Variants in NPC1 observed in about 807,000 individuals in gnomAD.
NPC1 encodes the protein NPC intracellular cholesterol transporter 1.
Under a neutral mutation model 140.4 loss-of-function variants are expected in NPC1, and 85 were observed. That is an observed-to-expected ratio of 0.61 (90% confidence interval 0.51 to 0.72). The LOEUF (loss-of-function observed/expected upper bound fraction) is 0.72, where lower values mean the gene tolerates loss of function less well. Ranked by LOEUF, NPC1 falls within the 30% of genes least tolerant of loss-of-function variation. The pLI is 0.00. For missense variants in NPC1, 1,504 were observed against 1,623.8 expected, an observed-to-expected ratio of 0.93 and a Z score of 1.27; for synonymous variants, 656 against 624.8, an observed-to-expected ratio of 1.05 and a Z score of -0.74.
intron 1 of NPC1, 62 bp downstream of exon 1, chr18:23,586,225 T>C (rs1295551964): frequency 1.2e-5 from 18 of 1,513,184 alleles, no homozygotes; most frequent in Non-Finnish European, 1.6e-5. Context: ...GCCCGTCGCC[T>C]TCCCCGGCTC....
In NPC1 at chr18:23,540,472, C is replaced by G; in HGVS notation, c.2580G>C (p.Leu860Phe). The G allele has an allele frequency of 6.2e-7, 1 of 1,609,398 alleles. No individual in the cohort carries two copies. Among genetic ancestry groups the G allele is most frequent in the East Asian group, 2.2e-5 (1 of 44,834 alleles). ...CATCTGGCATCGAAAGAGACTGATC[C>G]AATCCAATATCTACTTTGTTCAGGA... ...IAVLNKVDIG[L>F]DQSLSMPDDS... The change falls in exon 17 of 25, where the codon TTG becomes TTC. Residue 860 changes from leucine to phenylalanine, a missense_variant. By Grantham distance (22) the Leu-to-Phe change is conservative. Transcript: ENST00000269228.
chr18:23,507,729 A>C (rs1305335739), intron 3 of NPC1, among the ~76,000 whole-genome samples: 1 of 152,158 alleles, frequency 6.6e-6, no homozygotes, highest in Non-Finnish European at 1.5e-5. Context: ...TGAGGAATGA[A>C]TTTTTGAAAG....
intron 9 of NPC1, among the ~76,000 whole-genome samples, chr18:23,553,165 C>T (rs1040480934): frequency 5.9e-5 from 9 of 152,250 alleles, no homozygotes; most frequent in African/African-American, 2.2e-4. Context: ...CTGGTGGGAA[C>T]CACGTCCGCT....
intron 4 of NPC1, among the ~76,000 whole-genome samples, chr18:23,563,204 C>CT (rs1260885833): frequency 6.6e-6 from 1 of 152,156 alleles, no homozygotes; most frequent in Non-Finnish European, 1.5e-5. Flanking sequence ...TGTATCAATA[C>CT]TTCATTTCTT....
chr18:23,530,695 T>C (rs1378742143), downstream of NPC1: 4 of 1,327,512 alleles, frequency 3.0e-6, no homozygotes, highest in African/African-American at 4.4e-5. Context: ...GCGAGGACCC[T>C]GGGTTAGCAT....
intron 3 of NPC1, chr18:23,507,042 C>T (rs1027881837): frequency 7.5e-6 from 12 of 1,602,192 alleles, no homozygotes; most frequent in Middle Eastern, 1.7e-4. Flanking sequence ...TTCAGAGGAC[C>T]TCAAAGACTG....
chr18:23,572,752 G>A (rs929196849), intron 2 of NPC1, among the ~76,000 whole-genome samples: 1 of 152,184 alleles, frequency 6.6e-6, no homozygotes, highest in African/African-American at 2.4e-5. Flanking sequence ...GAGATTGCTT[G>A]AGCTCAGGAG....
intron 17 of NPC1, 31 bp downstream of exon 17, chr18:23,540,417 T>C: frequency 1.7e-6 from 2 of 1,159,964 alleles, no homozygotes; most frequent in Non-Finnish European, 2.5e-6. Flanking sequence ...CTAAAGAAGT[T>C]AAAAAAAAAA....
At chr18:23,561,608 G>C (rs2059040607) in intron 4 of NPC1, 81 bp from the exon 5 acceptor site, 1 of 1,412,216 alleles carries the variant, frequency 7.1e-7, no homozygotes, top group African/African-American at 1.4e-5. Context: ...AAGGCCTCTT[G>C]AAGGGAAACA....
intron 12 of NPC1, 95 bp from the exon 13 acceptor site, chr18:23,544,621 A>G: frequency 9.0e-7 from 1 of 1,115,266 alleles, no homozygotes; most frequent in East Asian, 2.5e-5. Flanking sequence ...ACAGGGCTGT[A>G]TTAAACCTAG....
chr18:23,586,388 T>C lies in NPC1; in HGVS notation c.-45A>G. ...GCTGACGCCGGCGGCGTTCGGCTGG[T>C]TGGGCTCCCCGGAGGCGGCTCTACT... On this transcript the variant is annotated 5_prime_UTR_variant, in exon 1 of 25. Coordinates refer to ENST00000269228, the MANE Select transcript of NPC1 (RefSeq NM_000271.5). 2 of 1,530,330 alleles carry C rather than the reference T, an allele frequency of 1.3e-6. No individual in the cohort carries two copies. Among genetic ancestry groups the C allele is most frequent in the African/African-American group, 1.4e-5 (1 of 72,416 alleles). The allele number at this position is 1,530,330 out of a possible 1,614,324, so 94.8% of individuals were successfully genotyped here. A position where few individuals can be genotyped will look rare whatever the true frequency, so the allele number is the denominator to read the frequency against.
Position 23,544,255 on chromosome 18 carries a change from G to A in NPC1, c.2130+89C>T, listed in dbSNP as rs967881279. 7.1e-6 allele frequency: 9 copies of A among 1,264,624 alleles called. No homozygotes were observed. In the Admixed American group the frequency reaches 7.6e-5, roughly 11 times the overall value. 78.3% of individuals were successfully genotyped at this position (1,264,624 alleles called of 1,614,324 possible). ...GAAAGGAAACAAAACACCCTCACAG[G>A]TCACACTCACGAATGCGGAGCCCAG... On this transcript the variant is annotated intron_variant, in intron 13 of 24. Coordinates refer to ENST00000269228, the MANE Select transcript of NPC1 (RefSeq NM_000271.5).
chr18:23,572,093 G>C lies in NPC1; in HGVS notation c.268C>G (p.Pro90Ala). ...ACCTACCTGGACAGAAACTGTAGAGGCAGCTGCAGGTTGTCTTTTAGTGTC... is the reference window on the plus strand; with the variant it reads ...ACCTACCTGGACAGAAACTGTAGAGCCAGCTGCAGGTTGTCTTTTAGTGTC... ...LQTLKDNLQL[P>A]LQFLSRCPSC... Residue 90 changes from proline to alanine, a missense_variant, in exon 3 of 25, where the codon CCT (proline) becomes GCT (alanine). Physicochemically the swap from Pro to Ala is conservative, Grantham distance 27 (BLOSUM62 -1). Coordinates refer to ENST00000269228, the MANE Select transcript of NPC1 (RefSeq NM_000271.5). 1 of 1,613,590 alleles carries C rather than the reference G, an allele frequency of 6.2e-7. No homozygotes were observed. The highest frequency in any genetic ancestry group is 8.5e-7 in the Non-Finnish European group (1 of 1,179,640).
chr18:23,533,798 G>T (rs943623529), intron 23 of NPC1: 1 of 445,576 alleles, frequency 2.2e-6, no homozygotes, highest in Non-Finnish European at 4.2e-6. Flanking sequence ...GAGCCACCGT[G>T]GCCAGCCCTT....
At chr18:23,534,039 T>G in intron 23 of NPC1, 1 of 337,470 alleles carries the variant, frequency 3.0e-6, no homozygotes, top group Non-Finnish European at 5.6e-6. Context: ...AAAGTTTTAG[T>G]TTTTACTCTT....
Position 23,544,946 on chromosome 18 carries a change from C to T in NPC1, c.1947+14G>A, listed in dbSNP as rs3745024. ...GTTAACCTCTAGAACATACACCACC[C>T]CCCCCCGGCTTACCAGAAGCCTGCG... On this transcript the variant is annotated intron_variant, in intron 12 of 24. Coordinates refer to ENST00000269228, the MANE Select transcript of NPC1 (RefSeq NM_000271.5). The T allele has an allele frequency of 5.3e-6, 7 of 1,329,786 alleles. No individual in the cohort carries two copies. The highest frequency in any genetic ancestry group is 7.4e-6 in the Non-Finnish European group (7 of 943,288). 82.4% of individuals were successfully genotyped at this position (1,329,786 alleles called of 1,614,324 possible).
downstream of NPC1, chr18:23,526,738 A>G (rs761703858): frequency 2.6e-4 from 420 of 1,613,982 alleles, no homozygotes; most frequent in Non-Finnish European, 3.5e-4. Flanking sequence ...GGAATGCAAG[A>G]TGGTCATCCT....
In NPC1 at chr18:23,542,571, A is replaced by G. The variant is rs556464464; in HGVS notation, c.2245+884T>C. On this transcript the variant is annotated intron_variant, in intron 14 of 24. Coordinates refer to ENST00000269228, the MANE Select transcript of NPC1 (RefSeq NM_000271.5). ...GGCAGACAGCCCCACTAGTGGGTCTATTTGATGATTCTCTATGTGAAAGAA... is the reference window on the plus strand; with the variant it reads ...GGCAGACAGCCCCACTAGTGGGTCTGTTTGATGATTCTCTATGTGAAAGAA... Among the ~76,000 whole-genome samples the G allele has an allele frequency of 2.6e-5, 4 of 152,330 alleles. No individual in the cohort carries two copies. In the South Asian group the frequency reaches 6.2e-4, roughly 24 times the overall value.
chr18:23,548,695 G>C (rs2058824833), intron 10 of NPC1, among the ~76,000 whole-genome samples: 1 of 152,048 alleles, frequency 6.6e-6, no homozygotes, highest in Non-Finnish European at 1.5e-5. Context: ...GAGTAGTTTT[G>C]CAATTTTTTC....
Sources: allele counts gnomAD v4.1 joint callset (sites outside exome capture counted in the v4.1 genomes callset), GRCh38; gene constraint gnomAD v4.1.1; transcripts MANE v1.5; gene names NCBI Gene and HGNC (gene_info 2026-07-23, HGNC 2026-07-21).